SMAD3: variants seen among roughly 807,000 people sequenced by gnomAD.
The protein encoded by SMAD3 is SMAD family member 3, also known as MAD homolog 3.
Under a neutral mutation model 51.8 loss-of-function variants are expected in SMAD3, and 12 were observed. That is an observed-to-expected ratio of 0.23 (90% CI 0.15 to 0.38). SMAD3 has a LOEUF of 0.38. Ranked by LOEUF, SMAD3 falls within the 10% of genes least tolerant of loss-of-function variation. The pLI is 1.00. For synonymous variants in SMAD3, 238 were observed against 227.7 expected (o/e 1.05, Z -0.41); for missense variants, 294 against 565.6 (o/e 0.52, Z 4.87).
intron 1 of SMAD3, among the ~76,000 whole-genome samples, chr15:67,108,153 G>A (rs1960923993): frequency 6.6e-6 from 1 of 152,232 alleles, no homozygotes; most frequent in Non-Finnish European, 1.5e-5. Context: ...CCTTGCCCTC[G>A]GGGGCTCCGG....
intron 2 of SMAD3, 71 bp downstream of exon 2, chr15:67,165,159 C>T (rs895360420): frequency 1.2e-6 from 2 of 1,611,810 alleles, no homozygotes. Context: ...CTCCCCATCC[C>T]CCCGAGGGTC....
intron 5 of SMAD3, among the ~76,000 whole-genome samples, chr15:67,177,751 G>T (rs1962945967): frequency 6.6e-6 from 1 of 151,038 alleles, no homozygotes; most frequent in African/African-American, 2.4e-5. Context: ...TTTTGTTAAG[G>T]AAAAATGTGC....
At position 67,113,094 on chromosome 15, in the gene SMAD3, A is replaced by T. The variant is rs542953045; in HGVS notation, c.206+46734A>T. Among the ~76,000 whole-genome samples the T allele has an allele frequency of 8.0e-4, 90 of 112,556 alleles. 21 individuals are homozygous for T. The highest frequency in any genetic ancestry group is 3.0e-3 in the African/African-American group (84 of 28,124). 73.8% of individuals were successfully genotyped at this position (112,556 alleles called of 152,430 possible). ...TATATGTGTATATATATATATATAT[A>T]TTTTTTTGAGACAGAGTCTTGCTCT... On this transcript the variant is annotated intron_variant, in intron 1 of 8. Transcript: ENST00000327367.
intron 1 of SMAD3, among the ~76,000 whole-genome samples, chr15:67,113,110 G>T (rs1341203415): frequency 2.0e-5 from 1 of 50,760 alleles, no homozygotes; most frequent in African/African-American, 4.8e-5. Context: ...TTGAGACAGA[G>T]TCTTGCTCTG....
chr15:67,066,335 A>G lies in SMAD3; in HGVS notation c.181A>G (p.Asn61Asp). Residue 61 changes from asparagine to aspartate, a missense_variant, in exon 1 of 9, where the codon AAC (asparagine) becomes GAC (aspartate). Asn to Asp is a conservative substitution (Grantham distance 23, BLOSUM62 1). This residue lies in a region of SMAD3 where 147 missense variants were observed against 260.9 expected (regional missense o/e 0.56). Transcript: ENST00000327367. Reference protein sequence around the residue: ...LEKAITTQNVNTKCITIPRSL... With the variant: ...LEKAITTQNVDTKCITIPRSL... ...GAAGGCCATCACCACGCAGAACGTC[A>G]ACACCAAGTGCATCACCATCCCCAG... 1 of 1,613,254 alleles carries G rather than the reference A, an allele frequency of 6.2e-7. No individual in the cohort carries two copies. The highest frequency in any genetic ancestry group is 8.5e-7 in the Non-Finnish European group (1 of 1,179,712).
intron 1 of SMAD3, among the ~76,000 whole-genome samples, chr15:67,115,419 A>G (rs1886938640): frequency 6.6e-6 from 1 of 152,206 alleles, no homozygotes; most frequent in African/African-American, 2.4e-5. Flanking sequence ...ATGCCAAGCA[A>G]ACAGAAAAGT....
At chr15:67,076,926 C>G (rs560581165) in intron 1 of SMAD3, among the ~76,000 whole-genome samples, 65 of 152,300 alleles carry the variant, frequency 4.3e-4, no homozygotes, top group African/African-American at 1.5e-3. Context: ...TTGGCTAGAG[C>G]TTGGACTTGT....
intron 7 of SMAD3, 46 bp downstream of exon 7, chr15:67,184,910 G>T: frequency 6.2e-7 from 1 of 1,610,632 alleles, no homozygotes; most frequent in Non-Finnish European, 8.5e-7. Context: ...CCCTCTCCGA[G>T]TGCATGCCTA....
intron 7 of SMAD3, 28 bp downstream of exon 7, chr15:67,184,892 C>T (rs1307373170): frequency 3.1e-6 from 5 of 1,612,044 alleles, no homozygotes; most frequent in Non-Finnish European, 4.2e-6. Flanking sequence ...GCACCCCTGC[C>T]TTGAGGTCCC....
chr15:67,130,179 T>C (rs1206808884), intron 1 of SMAD3, among the ~76,000 whole-genome samples: 1 of 152,234 alleles, frequency 6.6e-6, no homozygotes, highest in East Asian at 1.9e-4. Flanking sequence ...GAATATCATG[T>C]GCATTTTACA....
At chr15:67,154,693 C>G (rs1431450797) in intron 1 of SMAD3, among the ~76,000 whole-genome samples, 1 of 152,188 alleles carries the variant, frequency 6.6e-6, no homozygotes, top group Non-Finnish European at 1.5e-5. Flanking sequence ...CTGTTTGTAA[C>G]TCTTTGATTC....
chr15:67,130,637 C>T (rs1961502543), intron 1 of SMAD3, among the ~76,000 whole-genome samples: 1 of 152,202 alleles, frequency 6.6e-6, no homozygotes, highest in Non-Finnish European at 1.5e-5. Flanking sequence ...GACCACTGCC[C>T]TACACAGAGA....
chr15:67,187,143 C>T (rs917918237), intron 7 of SMAD3: 2 of 681,570 alleles, frequency 2.9e-6, no homozygotes, highest in South Asian at 1.5e-5. Flanking sequence ...ATGTCAGTGG[C>T]ACCTCCCAGT....
chr15:67,107,220 GC>G (rs1960898792), intron 1 of SMAD3, among the ~76,000 whole-genome samples: 1 of 152,154 alleles, frequency 6.6e-6, no homozygotes, highest in African/African-American at 2.4e-5. Context: ...CAGTCATTGG[GC>G]CTTGGATGCC....
chr15:67,114,842 A>T (rs963765367), intron 1 of SMAD3, among the ~76,000 whole-genome samples: 7 of 152,190 alleles, frequency 4.6e-5, no homozygotes, highest in African/African-American at 1.4e-4. Flanking sequence ...GAGTATCAAC[A>T]AACAGTTCCC....
intron 1 of SMAD3, among the ~76,000 whole-genome samples, chr15:67,142,202 C>G (rs1051387211): frequency 6.0e-5 from 9 of 150,560 alleles, no homozygotes; most frequent in South Asian, 2.1e-4. Flanking sequence ...TCCCCACACC[C>G]CCCCCACCAT....
intron 1 of SMAD3, among the ~76,000 whole-genome samples, chr15:67,089,932 G>C (rs978788264): frequency 7.9e-5 from 12 of 152,278 alleles, no homozygotes; most frequent in African/African-American, 2.2e-4. Context: ...TGGAGCATTC[G>C]GTGGTCTAAC....
chr15:67,164,138 C>T (rs554356844), intron 1 of SMAD3, among the ~76,000 whole-genome samples: 34 of 151,412 alleles, frequency 2.2e-4, no homozygotes, highest in African/African-American at 7.8e-4. Context: ...AGTGAAACCA[C>T]GTCTCTACTA....
chr15:67,148,936 A>C (rs1205922172), intron 1 of SMAD3, among the ~76,000 whole-genome samples: 1 of 152,100 alleles, frequency 6.6e-6, no homozygotes, highest in African/African-American at 2.4e-5. Flanking sequence ...TCCCTCAAGG[A>C]GCTCCTGGCA....
Sources: gnomAD v4.1 joint callset for allele counts (sites outside exome capture counted in the v4.1 genomes callset) on GRCh38, gnomAD v4.1.1 for gene constraint, gnomAD v4.1.1 regional missense constraint, MANE v1.5 for transcripts, NCBI Gene and HGNC (gene_info 2026-07-23, HGNC 2026-07-21) for gene names.